The following GFM2 variants were observed in gnomAD, a reference collection of about 807,000 sequenced individuals.
The protein encoded by GFM2 is GTP dependent ribosome recycling factor mitochondrial 2.
Under a neutral mutation model 95.4 loss-of-function variants are expected in GFM2, and 72 were observed. The ratio of observed to expected loss-of-function variants is 0.76; its 90% CI spans 0.62 to 0.92. The LOEUF (loss-of-function observed/expected upper bound fraction) is 0.92. GFM2 is among the 40% of genes least tolerant of loss of function. The pLI, the probability that GFM2 is intolerant of heterozygous loss-of-function variation, is 0.00. For missense variants in GFM2, 825 were observed against 924.1 expected, an observed-to-expected ratio of 0.89 and a Z score of 1.39; for synonymous variants, 276 against 317.5, an observed-to-expected ratio of 0.87 and a Z score of 1.39.
chr5:74,734,616 T>C (rs1742740218), intron 15 of GFM2, among the ~76,000 whole-genome samples: 1 of 152,204 alleles, frequency 6.6e-6, no homozygotes, highest in Non-Finnish European at 1.5e-5. Context: ...CACATACAGA[T>C]ACTCAAACAG....
rs1302226805 is a variant in GFM2, at chr5:74,740,145, G to C, written c.931-8C>G. 1 of 1,590,242 alleles carries C rather than the reference G, an allele frequency of 6.3e-7. No individual in the cohort carries two copies. ...ATGTATTGCAGTCTGTAGCTACAGA[G>C]CAGAGATACAAATGAGCATTTATTT... On this transcript the variant is annotated splice_region_variant and splice_polypyrimidine_tract_variant and intron_variant, in intron 11 of 20. Coordinates refer to ENST00000296805, the MANE Select transcript of GFM2 (RefSeq NM_032380.5).
chr5:74,766,514 T>C (rs1287370022), intron 1 of GFM2, among the ~76,000 whole-genome samples: 1 of 152,164 alleles, frequency 6.6e-6, no homozygotes, highest in Non-Finnish European at 1.5e-5. Context: ...TGGTAGTTAA[T>C]TACTTCTTGA....
rs1234729659 is a variant in GFM2, at chr5:74,730,369, A to G, written c.1617T>C (p.His539=). 4 of 1,611,162 alleles carry G rather than the reference A, an allele frequency of 2.5e-6. No individual in the cohort carries two copies. Among genetic ancestry groups the G allele is most frequent in the East Asian group, 2.2e-5 (1 of 44,840 alleles). ...QTVLCGMGEL[H]IEIIHDRIKR... ...TGATTCGATCATGAATAATCTCTAT[A>G]TGTAACTCCCCCATACCACACAGAA... The change falls in exon 17 of 21, where the codon CAT becomes CAC. Residue 539 remains histidine (H), a synonymous_variant. Transcript: ENST00000296805.
chr5:74,739,511 GATA>G (rs1480803335), intron 12 of GFM2, among the ~76,000 whole-genome samples: 1 of 152,126 alleles, frequency 6.6e-6, no homozygotes, highest in Non-Finnish European at 1.5e-5. Flanking sequence ...TCAGGATTAA[GATA>G]ATTAAAGTCC....
intron 19 of GFM2, 74 bp downstream of exon 19, chr5:74,725,566 G>A (rs1045003689): frequency 1.0e-6 from 1 of 958,672 alleles, no homozygotes; most frequent in African/African-American, 1.6e-5. Flanking sequence ...TGTAAACACA[G>A]CTGTCTGCAA....
chr5:74,733,562 CAAG>C (rs1039872156), intron 15 of GFM2, among the ~76,000 whole-genome samples: 1 of 151,972 alleles, frequency 6.6e-6, no homozygotes, highest in African/African-American at 2.4e-5. Flanking sequence ...GGAAAAAGAG[CAAG>C]AAGACTAGCA....
intron 10 of GFM2, among the ~76,000 whole-genome samples, chr5:74,744,362 TA>T (rs371028042): frequency 0.17 from 24,342 of 145,124 alleles, 2,353 homozygotes; most frequent in African/African-American, 0.28. Flanking sequence ...TGACTATACT[TA>T]AAAAAAAAAA....
At chr5:74,742,409 T>C (rs949164673) in intron 10 of GFM2, among the ~76,000 whole-genome samples, 4 of 152,188 alleles carry the variant, frequency 2.6e-5, no homozygotes, top group African/African-American at 7.2e-5. Flanking sequence ...CTTGTTCAAA[T>C]TTTGGTCAAG....
rs59571482 is a variant in GFM2 at position 74,733,335 on chromosome 5, G to GA, written c.1511-238dup. The GA allele has an allele frequency of 0.21, 39,623 of 192,582 alleles. 1,866 individuals are homozygous for GA. Among genetic ancestry groups the GA allele is most frequent in the Admixed American group, 0.26 (4,020 of 15,486 alleles). 11.9% of individuals were successfully genotyped at this position (192,582 alleles called of 1,614,324 possible). On this transcript the variant is annotated intron_variant, in intron 15 of 20. Coordinates refer to ENST00000296805, the MANE Select transcript of GFM2 (RefSeq NM_032380.5). ...GCGAAACCCCGTCTTTACAAAAAAA[G>GA]AAAAAAAAAAAAAGACAATTTCAAA...
intron 3 of GFM2, 70 bp from the exon 4 acceptor site, chr5:74,759,496 C>A: frequency 1.2e-6 from 1 of 809,984 alleles, no homozygotes; most frequent in Non-Finnish European, 2.1e-6. Flanking sequence ...AAATGAAAGA[C>A]TTTAAAATAA....
At chr5:74,742,563 C>T (rs992233657) in intron 10 of GFM2, among the ~76,000 whole-genome samples, 1 of 152,224 alleles carries the variant, frequency 6.6e-6, no homozygotes. Flanking sequence ...TTACTGTGCA[C>T]CTTCAATATT....
intron 1 of GFM2, chr5:74,765,146 G>A: frequency 8.7e-7 from 1 of 1,154,708 alleles, no homozygotes. Flanking sequence ...TCTCTCCACA[G>A]TTGTGACTGT....
intron 17 of GFM2, among the ~76,000 whole-genome samples, chr5:74,728,792 T>C (rs1750278682): frequency 7.5e-6 from 1 of 133,050 alleles, no homozygotes; most frequent in African/African-American, 2.9e-5. Flanking sequence ...CGTCTCACTC[T>C]GTTGCCTGGG....
chr5:74,763,664 T>C lies in GFM2; in HGVS notation c.63+16A>G, dbSNP rs1196363759. ...GAGGTTGTTAAAGGACACTTAATTT[T>C]ATAAGAAATGCTTACATTAATATAC... is the stretch of plus-strand genomic sequence containing the variant. On this transcript the variant is annotated intron_variant, in intron 2 of 20. Coordinates refer to ENST00000296805, the MANE Select transcript of GFM2 (RefSeq NM_032380.5). 1.4e-6 allele frequency: 2 copies of C among 1,472,364 alleles called. No individual in the cohort carries two copies. Among genetic ancestry groups the C allele is most frequent in the Admixed American group, 1.7e-5 (1 of 59,444 alleles). The allele number at this position is 1,472,364 out of a possible 1,614,324, so 91.2% of individuals were successfully genotyped here.
At chr5:74,722,316 C>T (rs1370402455) in intron 20 of GFM2, 63 bp downstream of exon 20, 8 of 1,265,748 alleles carry the variant, frequency 6.3e-6, no homozygotes, top group Non-Finnish European at 9.0e-6. Context: ...ATTGTCTATT[C>T]ATTGGCATAT....
In GFM2 at chr5:74,722,449, T is replaced by C; in HGVS notation, c.2141A>G (p.Asn714Ser). 4 of 1,614,064 alleles carry C rather than the reference T, an allele frequency of 2.5e-6. No homozygotes were observed. In the South Asian group the frequency reaches 4.4e-5, roughly 18 times the overall value. ...VLADLAQRRG[N>S]IQEIQTRQDN... ...CTGGCGAGTCTGAATTTCCTGAATGTTTCCTCTTCTTTGTGCCAGATCTGC... is the reference window on the plus strand; with the variant it reads ...CTGGCGAGTCTGAATTTCCTGAATGCTTCCTCTTCTTTGTGCCAGATCTGC... Residue 714 changes from asparagine to serine, a missense_variant, in exon 20 of 21, where the codon AAC (asparagine) becomes AGC (serine). Coordinates refer to ENST00000296805, the MANE Select transcript of GFM2 (RefSeq NM_032380.5).
At chr5:74,723,947 C>T (rs1206348314) in intron 19 of GFM2, among the ~76,000 whole-genome samples, 1 of 152,006 alleles carries the variant, frequency 6.6e-6, no homozygotes, top group East Asian at 1.9e-4. Flanking sequence ...AAATATAATC[C>T]TATTTGTGTC....
chr5:74,727,984 T>G (rs1292726457), intron 17 of GFM2, among the ~76,000 whole-genome samples: 2 of 152,156 alleles, frequency 1.3e-5, no homozygotes, highest in African/African-American at 4.8e-5. Flanking sequence ...CGTACCCCAC[T>G]TCATCAACAT....
At chr5:74,733,691 C>T (rs772411506) in intron 15 of GFM2, among the ~76,000 whole-genome samples, 3 of 152,072 alleles carry the variant, frequency 2.0e-5, no homozygotes, top group African/African-American at 7.2e-5. Context: ...GTTTGCACTG[C>T]GAAGCCACTG....
Sources: allele counts gnomAD v4.1 joint callset (sites outside exome capture counted in the v4.1 genomes callset), GRCh38; gene constraint gnomAD v4.1.1; transcripts MANE v1.5; gene names NCBI Gene and HGNC (gene_info 2026-07-23, HGNC 2026-07-21).